CNTN5: variants seen among roughly 807,000 people sequenced by gnomAD.
The protein encoded by CNTN5 is contactin-5.
A neutral mutation model predicts 129.1 loss-of-function variants in CNTN5; 77 were observed. The ratio of observed to expected loss-of-function variants is 0.60; its 90% CI spans 0.50 to 0.72. The LOEUF (loss-of-function observed/expected upper bound fraction) is 0.72, where lower values mean the gene tolerates loss of function less well. CNTN5 is among the 30% of genes least tolerant of loss of function. The pLI is 0.00. For synonymous variants in CNTN5, 509 were observed against 465.6 expected (o/e 1.09, Z -1.20); for missense variants, 1,478 against 1,328.8 (o/e 1.11, Z -1.75).
chr11:100,021,872 T>A (rs1332035415), intron 9 of CNTN5, among the ~76,000 whole-genome samples: 1 of 151,826 alleles, frequency 6.6e-6, no homozygotes, highest in Non-Finnish European at 1.5e-5. Context: ...GGAACAAGAG[T>A]TAAAAAGCCA....
intron 9 of CNTN5, among the ~76,000 whole-genome samples, chr11:100,053,381 T>C (rs1943059518): frequency 6.6e-6 from 1 of 151,620 alleles, no homozygotes; most frequent in Non-Finnish European, 1.5e-5. Flanking sequence ...AACTAATAAT[T>C]CTTACATTTA....
At chr11:99,545,886 G>A (rs1433969570) in intron 2 of CNTN5, among the ~76,000 whole-genome samples, 2 of 152,168 alleles carry the variant, frequency 1.3e-5, no homozygotes, top group Admixed American at 1.3e-4. Context: ...CACGTAGCCA[G>A]GGCTTCATCT....
intron 2 of CNTN5, among the ~76,000 whole-genome samples, chr11:99,338,925 T>TATATATATATATATATATATATATCTGTG (rs1565502368): frequency 3.2e-4 from 31 of 97,572 alleles, no homozygotes; most frequent in African/African-American, 1.1e-3. Context: ...CACAGATATA[T>TATATATATATATATATATATATATCTGTG]ATATATATAT....
chr11:99,120,355 G>A (rs999400365), intron 1 of CNTN5: 7 of 152,150 alleles, frequency 4.6e-5, no homozygotes, highest in Non-Finnish European at 8.8e-5. Flanking sequence ...CTTGATAGAG[G>A]AGGACCAGTC....
At chr11:99,659,365 T>C (rs1272888671) in intron 3 of CNTN5, among the ~76,000 whole-genome samples, 4 of 152,194 alleles carry the variant, frequency 2.6e-5, no homozygotes, top group African/African-American at 7.2e-5. Flanking sequence ...CCATAAGATA[T>C]ATAAGTAAAC....
chr11:99,962,088 A>G (rs1375942803), intron 8 of CNTN5, among the ~76,000 whole-genome samples: 3 of 151,244 alleles, frequency 2.0e-5, no homozygotes, highest in African/African-American at 7.4e-5. Flanking sequence ...ATACTAAGAT[A>G]ATATGAAAAA....
intron 8 of CNTN5, among the ~76,000 whole-genome samples, chr11:99,963,911 T>C: frequency 6.6e-6 from 1 of 152,156 alleles, no homozygotes; most frequent in South Asian, 2.1e-4. Context: ...TTTTATTCTC[T>C]TTGAAGCAAT....
intron 16 of CNTN5, among the ~76,000 whole-genome samples, chr11:100,232,107 T>C (rs947076023): frequency 3.3e-5 from 5 of 151,866 alleles, no homozygotes; most frequent in Non-Finnish European, 5.9e-5. Context: ...TGAGCCGAGA[T>C]TGCATCACTG....
intron 1 of CNTN5, among the ~76,000 whole-genome samples, chr11:99,036,002 A>G (rs1863707326): frequency 6.6e-6 from 1 of 151,790 alleles, no homozygotes; most frequent in Non-Finnish European, 1.5e-5. Context: ...CTTGTCTGTA[A>G]AGTATTTTAT....
chr11:99,676,542 A>G (rs948550612), intron 3 of CNTN5, among the ~76,000 whole-genome samples: 1 of 152,226 alleles, frequency 6.6e-6, no homozygotes, highest in Non-Finnish European at 1.5e-5. Context: ...CTGCTGCAAT[A>G]AAATTTCAAG....
At chr11:99,721,703 A>G (rs1943179643) in intron 3 of CNTN5, among the ~76,000 whole-genome samples, 2 of 152,224 alleles carry the variant, frequency 1.3e-5, no homozygotes, top group African/African-American at 4.8e-5. Flanking sequence ...GACAACCTAC[A>G]GAATGGGAGG....
intron 10 of CNTN5, among the ~76,000 whole-genome samples, chr11:100,063,779 C>A (rs960206822): frequency 4.6e-5 from 7 of 151,174 alleles, no homozygotes; most frequent in African/African-American, 1.7e-4. Context: ...CCCAAATACT[C>A]AGAAGCCTGA....
intron 2 of CNTN5, among the ~76,000 whole-genome samples, chr11:99,329,042 G>T (rs1040566789): frequency 1.6e-4 from 25 of 152,232 alleles, no homozygotes; most frequent in African/African-American, 6.0e-4. Context: ...AGTTATGGTG[G>T]TGGGACGGGG....
At chr11:99,432,142 A>G (rs555520764) in intron 2 of CNTN5, among the ~76,000 whole-genome samples, 104 of 152,320 alleles carry the variant, frequency 6.8e-4, no homozygotes, top group South Asian at 4.8e-3. Context: ...TTTCAGCTTA[A>G]TATATCCCTT....
intron 3 of CNTN5, among the ~76,000 whole-genome samples, chr11:99,585,995 G>T (rs144710208): frequency 6.6e-6 from 1 of 151,870 alleles, no homozygotes; most frequent in Non-Finnish European, 1.5e-5. Flanking sequence ...GTCAGCTACC[G>T]TGTTAGTTTA....
chr11:99,561,881 C>T (rs1403735135), intron 3 of CNTN5, among the ~76,000 whole-genome samples: 2 of 152,028 alleles, frequency 1.3e-5, no homozygotes, highest in Non-Finnish European at 2.9e-5. Flanking sequence ...AAATGTCAGT[C>T]AAGTATGTGT....
chr11:99,839,435 C>G (rs1947408917), intron 4 of CNTN5, among the ~76,000 whole-genome samples: 1 of 151,754 alleles, frequency 6.6e-6, no homozygotes, highest in African/African-American at 2.4e-5. Flanking sequence ...TTTTTTCAAT[C>G]TAAGTTTTTG....
Position 99,229,600 on chromosome 11 carries a change from G to T in CNTN5, c.-209-95746G>T, listed in dbSNP as rs528053202. Among the ~76,000 whole-genome samples, 20 of 150,360 alleles carry T rather than the reference G, an allele frequency of 1.3e-4. No homozygotes were observed. In the East Asian group the frequency reaches 3.1e-3, roughly 23 times the overall value. On this transcript the variant is annotated intron_variant, in intron 1 of 24. Transcript: ENST00000524871. Reference sequence around the variant, plus strand: ...AAGAGTAAAACACAGTTTATTTCCAGGAAAGAAGCCGTAATTGTTACTCAG... The same window carrying T: ...AAGAGTAAAACACAGTTTATTTCCATGAAAGAAGCCGTAATTGTTACTCAG...
intron 3 of CNTN5, among the ~76,000 whole-genome samples, chr11:99,575,904 A>G (rs1371596494): frequency 2.0e-5 from 3 of 152,202 alleles, no homozygotes; most frequent in African/African-American, 7.2e-5. Flanking sequence ...GCAGCATGGC[A>G]GATTAGAAGG....
Sources: allele counts gnomAD v4.1 joint callset (sites outside exome capture counted in the v4.1 genomes callset), GRCh38; gene constraint gnomAD v4.1.1; transcripts MANE v1.5; gene names NCBI Gene and HGNC (gene_info 2026-07-23, HGNC 2026-07-21).